GPC6: variants seen among roughly 807,000 people sequenced by gnomAD.
GPC6 encodes the protein glypican-6.
Under a neutral mutation model 55.2 loss-of-function variants are expected in GPC6, and 14 were observed. The observed-to-expected ratio is 0.25, with a 90% confidence interval of 0.17 to 0.40. The LOEUF (loss-of-function observed/expected upper bound fraction) is 0.40. GPC6 is among the 10% of genes least tolerant of loss of function. GPC6 has a pLI of 1.00. For synonymous variants in GPC6, 278 were observed against 259.6 expected, an observed-to-expected ratio of 1.07 and a Z score of -0.68; for missense variants, 641 against 708.5, an observed-to-expected ratio of 0.90 and a Z score of 1.08.
intron 1 of GPC6, among the ~76,000 whole-genome samples, chr13:93,279,943 C>G (rs1324887208): frequency 6.6e-6 from 1 of 152,154 alleles, no homozygotes; most frequent in Non-Finnish European, 1.5e-5. Context: ...ATAATAAACA[C>G]ACCCAAACTG....
At chr13:93,992,147 A>T (rs1337651051) in intron 3 of GPC6, among the ~76,000 whole-genome samples, 6 of 150,744 alleles carry the variant, frequency 4.0e-5, no homozygotes, top group African/African-American at 9.8e-5. Flanking sequence ...TTCATATGTA[A>T]ATGTATTTTT....
At chr13:94,007,546 T>C (rs1359916151) in intron 3 of GPC6, among the ~76,000 whole-genome samples, 1 of 152,238 alleles carries the variant, frequency 6.6e-6, no homozygotes, top group Non-Finnish European at 1.5e-5. Flanking sequence ...GCATTAAGTC[T>C]CACTGTCCCC....
At chr13:93,608,808 T>C (rs78144352) in intron 2 of GPC6, among the ~76,000 whole-genome samples, 2,849 of 152,318 alleles carry the variant, frequency 0.019, 90 homozygotes, top group African/African-American at 0.065. Context: ...GTAGTAAGTG[T>C]GTTGAAGTCA....
chr13:93,731,047 G>A (rs1482575639), intron 2 of GPC6, among the ~76,000 whole-genome samples: 1 of 152,176 alleles, frequency 6.6e-6, no homozygotes, highest in Non-Finnish European at 1.5e-5. Flanking sequence ...TTGTGCAGTT[G>A]CTCTGTGGTC....
chr13:94,224,047 G>A (rs1371140801), intron 4 of GPC6, among the ~76,000 whole-genome samples: 1 of 151,894 alleles, frequency 6.6e-6, no homozygotes, highest in African/African-American at 2.4e-5. Flanking sequence ...TGTGGTAATG[G>A]CACTGTTTAA....
At chr13:93,447,184 C>T (rs1472203974) in intron 1 of GPC6, among the ~76,000 whole-genome samples, 1 of 152,080 alleles carries the variant, frequency 6.6e-6, no homozygotes, top group Non-Finnish European at 1.5e-5. Flanking sequence ...TTATCAAATT[C>T]TTATGTTAGT....
At chr13:93,318,329 A>G (rs182208664) in intron 1 of GPC6, among the ~76,000 whole-genome samples, 1 of 152,296 alleles carries the variant, frequency 6.6e-6, no homozygotes, top group Non-Finnish European at 1.5e-5. Flanking sequence ...AAAAAAAGCA[A>G]ATTTTTATTT....
chr13:94,177,487 A>G (rs1888819760), intron 4 of GPC6, among the ~76,000 whole-genome samples: 3 of 152,160 alleles, frequency 2.0e-5, no homozygotes, highest in South Asian at 4.1e-4. Context: ...TGAACTAACA[A>G]TTTAGGAAAA....
intron 3 of GPC6, among the ~76,000 whole-genome samples, chr13:93,875,021 A>C (rs1050559721): frequency 8.6e-5 from 13 of 152,018 alleles, no homozygotes; most frequent in African/African-American, 2.9e-4. Context: ...AGACTATAAT[A>C]AGTTCTCAAA....
At chr13:93,673,670 C>CT (rs1266319597) in intron 2 of GPC6, among the ~76,000 whole-genome samples, 1 of 152,024 alleles carries the variant, frequency 6.6e-6, no homozygotes, top group Non-Finnish European at 1.5e-5. Flanking sequence ...ATACAGGATA[C>CT]TTTTTTGTAT....
intron 2 of GPC6, among the ~76,000 whole-genome samples, chr13:93,643,295 A>G (rs1173418120): frequency 6.6e-6 from 1 of 152,068 alleles, no homozygotes; most frequent in African/African-American, 2.4e-5. Context: ...TATTTTCTCT[A>G]TTGCCTTAGG....
intron 1 of GPC6, among the ~76,000 whole-genome samples, chr13:93,317,796 TTC>T (rs1879293145): frequency 1.3e-5 from 2 of 152,204 alleles, no homozygotes; most frequent in Admixed American, 1.3e-4. Flanking sequence ...CATCAAGTAT[TTC>T]TTGTTATACA....
intron 2 of GPC6, among the ~76,000 whole-genome samples, chr13:93,765,207 T>C (rs1408298962): frequency 2.4e-5 from 1 of 41,568 alleles, no homozygotes; most frequent in Non-Finnish European, 5.1e-5. Context: ...CCATAGACCA[T>C]TATCTTTTTA....
intron 2 of GPC6, among the ~76,000 whole-genome samples, chr13:93,590,692 A>C (rs556968444): frequency 6.6e-6 from 1 of 152,186 alleles, no homozygotes; most frequent in African/African-American, 2.4e-5. Context: ...TAAGCCCAGA[A>C]AGTAGGTATG....
In GPC6 at chr13:94,325,109, G is replaced by T. The variant is rs1346762811; in HGVS notation, c.1152+18986G>T. ...TTTGTCGTCCACAGTACTTTCATAAGTGCCTCTGTTTGGGGAAAAGAAAAG... is the reference window on the plus strand; with the variant it reads ...TTTGTCGTCCACAGTACTTTCATAATTGCCTCTGTTTGGGGAAAAGAAAAG... On this transcript the variant is annotated intron_variant, in intron 6 of 8. Coordinates refer to ENST00000377047, the MANE Select transcript of GPC6 (RefSeq NM_005708.5). 2.0e-5 allele frequency among the ~76,000 whole-genome samples: 3 copies of T among 152,012 alleles called. No homozygotes were observed. In the East Asian group the frequency reaches 5.8e-4, roughly 29 times the overall value.
intron 1 of GPC6, among the ~76,000 whole-genome samples, chr13:93,438,928 T>C (rs973771006): frequency 6.6e-6 from 1 of 152,140 alleles, no homozygotes; most frequent in Non-Finnish European, 1.5e-5. Flanking sequence ...GCCACCTCAA[T>C]GTCCAGCAAC....
At chr13:93,495,301 T>C (rs1366436579) in intron 1 of GPC6, among the ~76,000 whole-genome samples, 8 of 151,116 alleles carry the variant, frequency 5.3e-5, no homozygotes, top group Admixed American at 4.0e-4. Context: ...TACCCTTTCC[T>C]CCAGTTGATC....
chr13:94,180,741 G>C (rs1888960573), intron 4 of GPC6, among the ~76,000 whole-genome samples: 1 of 152,054 alleles, frequency 6.6e-6, no homozygotes, highest in African/African-American at 2.4e-5. Context: ...CAAGTCAGAG[G>C]ATTTTTTTCA....
chr13:93,924,165 C>T (rs1208724884), intron 3 of GPC6, among the ~76,000 whole-genome samples: 3 of 152,174 alleles, frequency 2.0e-5, no homozygotes, highest in African/African-American at 7.2e-5. Flanking sequence ...TTAATTATCC[C>T]CATTCATACA....
Sources: gnomAD v4.1 joint callset for allele counts (sites outside exome capture counted in the v4.1 genomes callset) on GRCh38, gnomAD v4.1.1 for gene constraint, MANE v1.5 for transcripts, NCBI Gene and HGNC (gene_info 2026-07-23, HGNC 2026-07-21) for gene names.